The following SEMA6D variants were observed in gnomAD, a reference collection of about 807,000 sequenced individuals.
SEMA6D encodes semaphorin 6D.
A neutral mutation model predicts 106.6 loss-of-function variants in SEMA6D; 35 were observed. The observed-to-expected ratio is 0.33, with a 90% CI of 0.25 to 0.44. The LOEUF is 0.44. SEMA6D is among the 20% of genes least tolerant of loss of function. The pLI, the probability that SEMA6D is intolerant of heterozygous loss-of-function variation, is 1.00. For synonymous variants in SEMA6D, 499 were observed against 487.7 expected, an observed-to-expected ratio of 1.02 and a Z score of -0.31; for missense variants, 1,185 against 1,345.9, an observed-to-expected ratio of 0.88 and a Z score of 1.87.
intron 1 of SEMA6D, among the ~76,000 whole-genome samples, chr15:47,378,706 G>C (rs2039535872): frequency 6.6e-6 from 1 of 152,204 alleles, no homozygotes; most frequent in Non-Finnish European, 1.5e-5. Context: ...AATGAATCCA[G>C]ATTTGACTTA....
At chr15:47,705,785 C>T (rs543487955) in intron 4 of SEMA6D, among the ~76,000 whole-genome samples, 1 of 152,280 alleles carries the variant, frequency 6.6e-6, no homozygotes, top group Admixed American at 6.5e-5. Context: ...AGTGCAGGGC[C>T]AAAGTCTGTG....
intron 1 of SEMA6D, among the ~76,000 whole-genome samples, chr15:47,282,427 CTAT>C (rs1464146612): frequency 2.6e-5 from 4 of 152,028 alleles, no homozygotes; most frequent in Non-Finnish European, 5.9e-5. Context: ...TCACAGTATC[CTAT>C]TATATTTTAA....
At position 47,674,937 on chromosome 15, in the gene SEMA6D, G is replaced by T. The variant is rs2078212494; in HGVS notation, c.-55+74041G>T. Among the ~76,000 whole-genome samples, 2 of 152,258 alleles carry T rather than the reference G, an allele frequency of 1.3e-5. 1 individual carries two copies. The highest frequency in any genetic ancestry group is 3.9e-4 in the East Asian group (2 of 5,174). On this transcript the variant is annotated intron_variant, in intron 4 of 19. Transcript: ENST00000558014. ...ATAATTAGCACCTGCCAAATTCTAGGTCTCTTAGAAGACCTCCTGGCTCAG... is the reference window on the plus strand; with the variant it reads ...ATAATTAGCACCTGCCAAATTCTAGTTCTCTTAGAAGACCTCCTGGCTCAG...
chr15:47,303,410 G>A (rs1037610356), intron 1 of SEMA6D, among the ~76,000 whole-genome samples: 1 of 152,126 alleles, frequency 6.6e-6, no homozygotes, highest in African/African-American at 2.4e-5. Context: ...ACTTTTACAT[G>A]GTTTACTTCC....
chr15:47,760,941 A>G (rs1167471669), intron 3 of SEMA6D, 37 bp from the exon 4 acceptor site: 2 of 1,532,278 alleles, frequency 1.3e-6, no homozygotes, highest in Middle Eastern at 1.7e-4. Flanking sequence ...ATTTTTATGT[A>G]TTCACGTGAT....
At chr15:47,356,455 T>C (rs1392524243) in intron 1 of SEMA6D, among the ~76,000 whole-genome samples, 5 of 151,946 alleles carry the variant, frequency 3.3e-5, no homozygotes, top group Non-Finnish European at 7.4e-5. Flanking sequence ...AATCAGAAGA[T>C]TTTGAGTCTA....
intron 1 of SEMA6D, among the ~76,000 whole-genome samples, chr15:47,355,017 G>A (rs1407719515): frequency 3.3e-5 from 5 of 152,140 alleles, no homozygotes; most frequent in Admixed American, 3.3e-4. Flanking sequence ...ACTTAAACAC[G>A]GAATTAAAGA....
At chr15:47,296,005 T>C (rs1300128597) in intron 1 of SEMA6D, among the ~76,000 whole-genome samples, 1 of 152,202 alleles carries the variant, frequency 6.6e-6, no homozygotes, top group African/African-American at 2.4e-5. Context: ...GTGCTTTTTC[T>C]TGGGTACATT....
Position 47,440,669 on chromosome 15 carries a change from G to C in SEMA6D, c.-159+28197G>C, listed in dbSNP as rs148100139. On this transcript the variant is annotated intron_variant, in intron 2 of 19. Transcript: ENST00000558014. The stretch of plus-strand genomic sequence containing the variant: ...GATAAAGTTAAAAAAAAAAAGACGG[G>C]TGTTGAATGATGACTTAACATAGAA... Among the ~76,000 whole-genome samples, 880 of 152,096 alleles carry C rather than the reference G, an allele frequency of 5.8e-3. 5 individuals are homozygous for C. Among genetic ancestry groups the C allele is most frequent in the Admixed American group, 0.016 (251 of 15,252 alleles).
At chr15:47,585,045 T>C (rs2076314075) in intron 3 of SEMA6D, among the ~76,000 whole-genome samples, 1 of 152,184 alleles carries the variant, frequency 6.6e-6, no homozygotes, top group Non-Finnish European at 1.5e-5. Flanking sequence ...TTTCTGCCTA[T>C]CTTAATACAA....
At chr15:47,657,301 T>C (rs2077815913) in intron 4 of SEMA6D, among the ~76,000 whole-genome samples, 1 of 152,200 alleles carries the variant, frequency 6.6e-6, no homozygotes, top group African/African-American at 2.4e-5. Flanking sequence ...CTGAGTGCCT[T>C]AATACTTAAG....
chr15:47,626,112 G>A (rs776121998), intron 4 of SEMA6D, among the ~76,000 whole-genome samples: 19 of 152,124 alleles, frequency 1.2e-4, no homozygotes, highest in Non-Finnish European at 2.2e-4. Context: ...AGAGTTGGAA[G>A]ACTTCTTTGG....
intron 3 of SEMA6D, among the ~76,000 whole-genome samples, chr15:47,504,962 G>A (rs2141666453): frequency 6.6e-6 from 1 of 152,252 alleles, no homozygotes; most frequent in African/African-American, 2.4e-5. Context: ...GTCCCTATCA[G>A]GAAAATTTGC....
At chr15:47,523,055 G>A (rs2044639105) in intron 3 of SEMA6D, among the ~76,000 whole-genome samples, 2 of 152,146 alleles carry the variant, frequency 1.3e-5, no homozygotes, top group Admixed American at 1.3e-4. Flanking sequence ...GTGGGGATGG[G>A]GCTGGTGGTA....
intron 4 of SEMA6D, among the ~76,000 whole-genome samples, chr15:47,675,016 A>G (rs931977790): frequency 6.6e-6 from 1 of 152,210 alleles, no homozygotes; most frequent in Non-Finnish European, 1.5e-5. Flanking sequence ...AAAACAGGCT[A>G]AGTTACATAA....
intron 3 of SEMA6D, among the ~76,000 whole-genome samples, chr15:47,541,632 T>C (rs1302806396): frequency 6.6e-6 from 1 of 152,144 alleles, no homozygotes; most frequent in African/African-American, 2.4e-5. Context: ...CCATGGTCTT[T>C]CCCCTTTGCA....
At chr15:47,297,553 C>A (rs751317235) in intron 1 of SEMA6D, among the ~76,000 whole-genome samples, 1 of 152,162 alleles carries the variant, frequency 6.6e-6, no homozygotes, top group Non-Finnish European at 1.5e-5. Flanking sequence ...TTTACTCATT[C>A]GTTGAATACT....
intron 4 of SEMA6D, among the ~76,000 whole-genome samples, chr15:47,615,509 A>T (rs1216486545): frequency 6.6e-6 from 1 of 152,102 alleles, no homozygotes; most frequent in East Asian, 1.9e-4. Flanking sequence ...AAAAACAAGT[A>T]TTTTTTTACG....
intron 2 of SEMA6D, 61 bp downstream of exon 2, chr15:47,759,968 G>T: frequency 8.1e-7 from 1 of 1,240,472 alleles, no homozygotes; most frequent in South Asian, 1.2e-5. Flanking sequence ...TTTTCATTCT[G>T]TAAGCATGTT....
Sources: allele counts gnomAD v4.1 joint callset (sites outside exome capture counted in the v4.1 genomes callset), GRCh38; gene constraint gnomAD v4.1.1; transcripts MANE v1.5; gene names NCBI Gene and HGNC (gene_info 2026-07-23, HGNC 2026-07-21).